Variants in THSD7A observed in about 807,000 individuals in gnomAD.
THSD7A encodes the protein thrombospondin type-1 domain-containing protein 7A.
A neutral mutation model predicts 231.3 loss-of-function variants in THSD7A; 96 were observed. The observed-to-expected ratio is 0.41, with a 90% CI of 0.35 to 0.49. The LOEUF is 0.49. THSD7A is among the 20% of genes least tolerant of loss of function. The pLI is 0.05. For missense variants in THSD7A, 2,290 were observed against 2,070.2 expected (o/e 1.11, Z -2.06); for synonymous variants, 940 against 743.3 (o/e 1.26, Z -4.30).
intron 1 of THSD7A, among the ~76,000 whole-genome samples, chr7:11,782,421 A>AG (rs1264504609): frequency 6.6e-6 from 1 of 152,104 alleles, no homozygotes. Flanking sequence ...ACATACACAC[A>AG]TGACACACAC....
chr7:11,526,851 A>G (rs1788496551), intron 6 of THSD7A, among the ~76,000 whole-genome samples: 1 of 152,158 alleles, frequency 6.6e-6, no homozygotes, highest in African/African-American at 2.4e-5. Flanking sequence ...GTGAGGATGG[A>G]CTAATATAGT....
rs943681621 is a variant in THSD7A, at chr7:11,634,247, A to T, written c.1022+1883T>A. Among the ~76,000 whole-genome samples the T allele has an allele frequency of 2.6e-5, 4 of 152,180 alleles. No homozygotes were observed. Among genetic ancestry groups the T allele is most frequent in the Non-Finnish European group, 5.9e-5 (4 of 68,024 alleles). ...AGTTATATATGCTATTTCTAATGGGATACAAGTTCCTGACAAATAAACTCT... is the reference window on the plus strand; with the variant it reads ...AGTTATATATGCTATTTCTAATGGGTTACAAGTTCCTGACAAATAAACTCT... On this transcript the variant is annotated intron_variant, in intron 2 of 27. Coordinates refer to ENST00000423059, the MANE Select transcript of THSD7A (RefSeq NM_015204.3). The surrounding 1 kb of genome is among the most constrained non-coding windows in gnomAD (Gnocchi z 4.1).
intron 1 of THSD7A, among the ~76,000 whole-genome samples, chr7:11,788,651 G>A (rs1469232599): frequency 3.3e-5 from 5 of 151,964 alleles, no homozygotes; most frequent in Non-Finnish European, 5.9e-5. Flanking sequence ...GAGACGCTTC[G>A]GAGTGTAGCA....
intron 1 of THSD7A, among the ~76,000 whole-genome samples, chr7:11,823,066 T>C (rs1158725532): frequency 2.0e-5 from 3 of 152,068 alleles, no homozygotes; most frequent in South Asian, 4.1e-4. Context: ...GGTTTTCTTC[T>C]AGTATTCTTA....
At chr7:11,574,672 G>A (rs781411067) in intron 4 of THSD7A, among the ~76,000 whole-genome samples, 19 of 151,144 alleles carry the variant, frequency 1.3e-4, no homozygotes, top group Non-Finnish European at 2.5e-4. Context: ...TCCTGACCTC[G>A]TGATCCGCCC....
chr7:11,399,679 C>G (rs550922325), intron 23 of THSD7A, among the ~76,000 whole-genome samples: 15 of 152,206 alleles, frequency 9.9e-5, no homozygotes, highest in South Asian at 2.1e-4. Context: ...TGGAGAGGAT[C>G]TGGAGAAATA....
Position 11,411,176 on chromosome 7 carries a change from C to A in THSD7A, c.3798+31G>T. On this transcript the variant is annotated intron_variant, in intron 19 of 27. Coordinates refer to ENST00000423059, the MANE Select transcript of THSD7A (RefSeq NM_015204.3). This position sits in a 1 kb window ranked among gnomAD's most constrained non-coding sequence, Gnocchi z 4.1. ...ATTGAAATTATTAGGGAAGAATTTA[C>A]TCGCGAAGATATAACACAGCATCCA... is the stretch of plus-strand genomic sequence containing the variant. 1 of 1,533,144 alleles carries A rather than the reference C, an allele frequency of 6.5e-7. No homozygotes were observed. The highest frequency in any genetic ancestry group is 9.0e-7 in the Non-Finnish European group (1 of 1,109,906). The allele number at this position is 1,533,144 out of a possible 1,614,324, so 95.0% of individuals were successfully genotyped here. A position where few individuals can be genotyped will look rare whatever the true frequency, so the allele number is the denominator to read the frequency against.
At chr7:11,753,117 T>C (rs773357146) in intron 1 of THSD7A, among the ~76,000 whole-genome samples, 3 of 152,138 alleles carry the variant, frequency 2.0e-5, no homozygotes, top group Non-Finnish European at 4.4e-5. Flanking sequence ...TTATAGCATG[T>C]GTATAATTCA....
chr7:11,498,725 G>A (rs765798626), intron 6 of THSD7A, among the ~76,000 whole-genome samples: 3 of 152,218 alleles, frequency 2.0e-5, no homozygotes, highest in Middle Eastern at 3.4e-3. Flanking sequence ...AGATGCCTTT[G>A]GGTGGCAAAA....
chr7:11,507,181 T>G lies in THSD7A; in HGVS notation c.1823-25199A>C, dbSNP rs189377620. Among the ~76,000 whole-genome samples the G allele has an allele frequency of 3.9e-5, 6 of 152,268 alleles. No individual in the cohort carries two copies. In the East Asian group the frequency reaches 1.2e-3, roughly 29 times the overall value. ...TTTCTAAAGAGCAATTTAGAAGAGC[T>G]CGAAAGTAATATGAAGAACAAGTCA... On this transcript the variant is annotated intron_variant, in intron 6 of 27. Coordinates refer to ENST00000423059, the MANE Select transcript of THSD7A (RefSeq NM_015204.3).
intron 1 of THSD7A, among the ~76,000 whole-genome samples, chr7:11,728,133 T>C (rs1272142960): frequency 6.6e-6 from 1 of 152,000 alleles, no homozygotes; most frequent in Admixed American, 6.6e-5. Context: ...ATCTGCAAAA[T>C]GTTTTCCAGC....
At chr7:11,603,043 A>C (rs545731869) in intron 2 of THSD7A, among the ~76,000 whole-genome samples, 37 of 150,764 alleles carry the variant, frequency 2.5e-4, no homozygotes, top group African/African-American at 8.0e-4. Flanking sequence ...TAATTAAACT[A>C]AAGAGCTTCT....
intron 4 of THSD7A, among the ~76,000 whole-genome samples, chr7:11,569,434 C>T (rs1181277182): frequency 6.6e-6 from 1 of 152,110 alleles, no homozygotes; most frequent in African/African-American, 2.4e-5. Flanking sequence ...AAATGCTTGA[C>T]ATCACTACTC....
intron 1 of THSD7A, among the ~76,000 whole-genome samples, chr7:11,789,052 G>C (rs1247903309): frequency 6.6e-6 from 1 of 151,880 alleles, no homozygotes; most frequent in African/African-American, 2.4e-5. Context: ...AATTAGATTG[G>C]ATGGTCAGGG....
At chr7:11,557,694 TC>T (rs751025516) in intron 4 of THSD7A, among the ~76,000 whole-genome samples, 6 of 152,270 alleles carry the variant, frequency 3.9e-5, no homozygotes, top group Middle Eastern at 6.8e-3. Context: ...TTATTTAACC[TC>T]CATTGATAAC....
chr7:11,809,969 C>A (rs927899591), intron 1 of THSD7A, among the ~76,000 whole-genome samples: 6 of 152,044 alleles, frequency 3.9e-5, no homozygotes, highest in Non-Finnish European at 8.8e-5. Context: ...ACAAACTAAC[C>A]ATTTGGTCAA....
Position 11,511,307 on chromosome 7 carries a change from T to C in THSD7A, c.1823-29325A>G, listed in dbSNP as rs549926223. On this transcript the variant is annotated intron_variant, in intron 6 of 27. Coordinates refer to ENST00000423059, the MANE Select transcript of THSD7A (RefSeq NM_015204.3). ...GAGGACACAAACAAATGGAAGAACA[T>C]TCCATGCTCATGGATAGGAAGAATC... Among the ~76,000 whole-genome samples, 9 of 152,300 alleles carry C rather than the reference T, an allele frequency of 5.9e-5. No homozygotes were observed. The South Asian group carries it at 1.9e-3, about 32-fold the overall frequency.
Position 11,375,813 on chromosome 7 carries a change from T to G in THSD7A, c.4955A>C (p.Asp1652Ala), listed in dbSNP as rs752733967. ...NRLKPLTLAYDGDADM is the reference protein window; with the variant it reads ...NRLKPLTLAYAGDADM Reference sequence around the variant, plus strand: ...TATATGTTACATGTCGGCATCTCCATCATAGGCTAAGGTTAAAGGTTTCAG... The same window carrying G: ...TATATGTTACATGTCGGCATCTCCAGCATAGGCTAAGGTTAAAGGTTTCAG... Residue 1652 changes from aspartate to alanine, a missense_variant, in exon 28 of 28, where the codon GAT becomes GCT. By Grantham distance (126) the Asp-to-Ala change is moderately radical (BLOSUM62 -2). Transcript: ENST00000423059. 1 of 1,612,664 alleles carries G rather than the reference T, an allele frequency of 6.2e-7. No individual in the cohort carries two copies. The highest frequency in any genetic ancestry group is 1.1e-5 in the South Asian group (1 of 91,010).
At chr7:11,431,739 A>G (rs1344466473) in intron 13 of THSD7A, among the ~76,000 whole-genome samples, 2 of 152,088 alleles carry the variant, frequency 1.3e-5, no homozygotes, top group Admixed American at 6.6e-5. Flanking sequence ...TGCAGCTAGG[A>G]TTTTGATAGG....
Sources: allele counts gnomAD v4.1 joint callset (sites outside exome capture counted in the v4.1 genomes callset), GRCh38; gene constraint gnomAD v4.1.1; non-coding constraint Gnocchi (gnomAD v3.1); transcripts MANE v1.5; gene names NCBI Gene and HGNC (gene_info 2026-07-23, HGNC 2026-07-21).